PLA2G4B: variants seen among roughly 807,000 people sequenced by gnomAD.
PLA2G4B encodes the protein phospholipase A2 group IVB, also known as cytosolic phospholipase A2 beta.
In PLA2G4B, 122 loss-of-function variants were observed where a neutral mutation model predicts 95.8. The ratio of observed to expected loss-of-function variants is 1.27; its 90% CI spans 1.10 to 1.48. The LOEUF (loss-of-function observed/expected upper bound fraction) is 1.48. PLA2G4B is among the 40% of genes most tolerant of loss of function. The pLI, the probability that PLA2G4B is intolerant of heterozygous loss-of-function variation, is 0.00. For missense variants in PLA2G4B, 1,158 were observed against 996.2 expected, an observed-to-expected ratio of 1.16 and a Z score of -2.19; for synonymous variants, 518 against 421.5, an observed-to-expected ratio of 1.23 and a Z score of -2.80.
chr15:41,839,824 G>A (rs969875709), intron 1 of PLA2G4B: 2 of 285,102 alleles, frequency 7.0e-6, no homozygotes, highest in Non-Finnish European at 1.3e-5. Flanking sequence ...CCCCAATTGT[G>A]GACCTCAGGC....
In PLA2G4B at chr15:41,844,451, C is replaced by T. The variant is rs888072505; in HGVS notation, c.880-20C>T. 3.1e-6 allele frequency: 5 copies of T among 1,614,024 alleles called. No homozygotes were observed. In the East Asian group the frequency reaches 1.1e-4, roughly 36 times the overall value. On this transcript the variant is annotated intron_variant, in intron 11 of 19. Coordinates refer to ENST00000458483, the MANE Select transcript of PLA2G4B (RefSeq NM_001114633.2). ...CCCCATCCCTAGGGCCTCTACAGGC[C>T]TGGCTCTCTTCTTTTCCAGATCCCA...
intron 7 of PLA2G4B, 33 bp from the exon 8 acceptor site, chr15:41,841,786 C>G: frequency 6.2e-7 from 1 of 1,608,656 alleles, no homozygotes; most frequent in Non-Finnish European, 8.5e-7. Context: ...GAGATACCGT[C>G]CCCAGCCTCT....
In PLA2G4B at chr15:41,844,971, G is replaced by GCGGTAC; in HGVS notation, c.1144_1149dup (p.Tyr382_Arg383dup). On this transcript the variant is annotated inframe_insertion, in exon 13 of 20. Coordinates refer to ENST00000458483, the MANE Select transcript of PLA2G4B (RefSeq NM_001114633.2). ...GTGTGCTGGCCCCCAGCCAGCTGCAGCGGTACCGGCAGGAGCTGGCCGAGC... is the reference window on the plus strand; with the variant it reads ...GTGTGCTGGCCCCCAGCCAGCTGCAGCGGTACCGGTACCGGCAGGAGCTGGCCGAGC... 6.2e-7 allele frequency: 1 copy of GCGGTAC among 1,611,380 alleles called. No homozygotes were observed. Among genetic ancestry groups the GCGGTAC allele is most frequent in the South Asian group, 1.1e-5 (1 of 90,542 alleles).
In PLA2G4B at chr15:41,841,584, C is replaced by A; in HGVS notation, c.490+13C>A. 1 of 1,613,998 alleles carries A rather than the reference C, an allele frequency of 6.2e-7. No individual in the cohort carries two copies. The highest frequency in any genetic ancestry group is 8.5e-7 in the Non-Finnish European group (1 of 1,179,968). On this transcript the variant is annotated intron_variant, in intron 7 of 19. Transcript: ENST00000458483. The stretch of plus-strand genomic sequence containing the variant: ...GGAGACCAGAAGTGTGAGTCCCCAA[C>A]CCACTGGGACAGCCCCTGGCTCTCA...
chr15:41,841,983 C>T (rs766925259), intron 8 of PLA2G4B, 34 bp downstream of exon 8: 2 of 1,596,636 alleles, frequency 1.3e-6, no homozygotes, highest in South Asian at 2.2e-5. Flanking sequence ...GTGGGGCCCC[C>T]AGAACTTCCT....
At chr15:41,842,644 G>A (rs560889380) in intron 10 of PLA2G4B, 53 bp downstream of exon 10, 29 of 1,594,322 alleles carry the variant, frequency 1.8e-5, no homozygotes, top group South Asian at 1.0e-4. Context: ...ACCAGGGTGC[G>A]GGGCTGGAGG....
chr15:41,844,403 T>C, intron 11 of PLA2G4B, 68 bp from the exon 12 acceptor site: 2 of 1,609,920 alleles, frequency 1.2e-6, no homozygotes, highest in Non-Finnish European at 1.7e-6. Context: ...ACCTGCTACC[T>C]CTTCTTCCTG....
chr15:41,846,146 C>G, intron 16 of PLA2G4B, 57 bp from the exon 17 acceptor site: 1 of 1,594,090 alleles, frequency 6.3e-7, no homozygotes, highest in South Asian at 1.1e-5. Flanking sequence ...CCAGGGTCAC[C>G]ACCAAGGTGG....
intron 14 of PLA2G4B, 120 bp downstream of exon 14, chr15:41,845,440 C>T (rs1259486050): frequency 6.8e-7 from 1 of 1,465,284 alleles, no homozygotes; most frequent in East Asian, 2.3e-5. Flanking sequence ...CCCGTGCTTT[C>T]TGGAGACCGG....
intron 18 of PLA2G4B, 39 bp from the exon 19 acceptor site, chr15:41,847,298 G>A: frequency 1.3e-6 from 2 of 1,557,244 alleles, no homozygotes; most frequent in Non-Finnish European, 1.7e-6. Flanking sequence ...GGATGCCAGG[G>A]GCCCTGTCCC....
Position 41,848,074 on chromosome 15 carries a change from C to G in PLA2G4B, c.*214C>G. 1.6e-6 allele frequency: 1 copy of G among 641,428 alleles called. No individual in the cohort carries two copies. Among genetic ancestry groups the G allele is most frequent in the Non-Finnish European group, 2.7e-6 (1 of 376,042 alleles). 39.7% of individuals were successfully genotyped at this position (641,428 alleles called of 1,614,324 possible). A position where few individuals can be genotyped will look rare whatever the true frequency, so the allele number is the denominator to read the frequency against. ...GTGTAATCACCCAAAACCCCCCGGC[C>G]TGTGCCTGTTTTCCCTTCTGCGCTA... On this transcript the variant is annotated 3_prime_UTR_variant, in exon 20 of 20. Transcript: ENST00000458483.
In PLA2G4B at chr15:41,840,579, G is replaced by A. The variant is rs375873186; in HGVS notation, c.138G>A (p.Arg46=). The A allele has an allele frequency of 6.7e-5, 108 of 1,613,946 alleles. No homozygotes were observed. In the East Asian group the frequency reaches 2.1e-3, roughly 32 times the overall value. Residue 46 remains arginine, a synonymous_variant, in exon 3 of 20, where the codon AGG becomes AGA. Transcript: ENST00000458483. ...TLWLPTACSH[R]LQTRTVKNSS... ...GGCTGCCCACGGCCTGCAGCCACAG[G>A]CTCCAGACACGCACGGTCAAGAACA...
At chr15:41,846,863 G>T in intron 18 of PLA2G4B, 28 bp downstream of exon 18, 1 of 1,587,756 alleles carries the variant, frequency 6.3e-7, no homozygotes, top group Non-Finnish European at 8.6e-7. Context: ...GCCCACCAGG[G>T]AGGCGGTGGG....
At position 41,840,121 on chromosome 15, in the gene PLA2G4B, C is replaced by T. The variant is rs568407095; in HGVS notation, c.10-37C>T. Reference sequence around the variant, plus strand: ...TGGCCCCTGTCACCCTTGGCTTCATCGGCCCGTAGCAGGTCTCCCCTCTCC... The same window carrying T: ...TGGCCCCTGTCACCCTTGGCTTCATTGGCCCGTAGCAGGTCTCCCCTCTCC... On this transcript the variant is annotated intron_variant, in intron 1 of 19. Coordinates refer to ENST00000458483, the MANE Select transcript of PLA2G4B (RefSeq NM_001114633.2). 1.6e-5 allele frequency: 25 copies of T among 1,604,578 alleles called. 1 individual carries two copies. The South Asian group carries it at 2.2e-4, about 14-fold the overall frequency.
chr15:41,843,498 C>T (rs1170275524), intron 10 of PLA2G4B, among the ~76,000 whole-genome samples, 178 bp from the exon 11 acceptor site: 1 of 152,248 alleles, frequency 6.6e-6, no homozygotes, highest in East Asian at 1.9e-4. Context: ...CATTCCCAAG[C>T]ATGTCCACAT....
At position 41,841,818 on chromosome 15, in the gene PLA2G4B, G is replaced by C; in HGVS notation, c.491-1G>C. On this transcript the variant is annotated splice_acceptor_variant, in intron 7 of 19. Transcript: ENST00000458483. LOFTEE classifies it high-confidence loss of function. ...CTCTCTGCTCTGGTTCCTGTTTCCA[G>C]CCTCAGAGCACAGAGTTCAGCTTGT... The C allele has an allele frequency of 1.2e-6, 2 of 1,613,274 alleles. No individual in the cohort carries two copies. The highest frequency in any genetic ancestry group is 1.7e-6 in the Non-Finnish European group (2 of 1,179,706).
Position 41,844,927 on chromosome 15 carries a change from G to C in PLA2G4B, c.1096G>C (p.Val366Leu), listed in dbSNP as rs1274159054. 1 of 1,612,684 alleles carries C rather than the reference G, an allele frequency of 6.2e-7. No homozygotes were observed. The highest frequency in any genetic ancestry group is 1.3e-5 in the African/African-American group (1 of 75,032). Residue 366 changes from valine to leucine, a missense_variant, in exon 13 of 20, where the codon GTG becomes CTG. Physicochemically the swap from Val to Leu is conservative, Grantham distance 32. Transcript: ENST00000458483. ...AGPTELLKTQ[V>L]TKNKLGVLAP... ...GCCCACTGAGTTGCTGAAGACCCAG[G>C]TGACCAAGAACAAGCTGGGTGTGCT...
Position 41,843,767 on chromosome 15 carries a change from T to G in PLA2G4B, c.835T>G (p.Leu279Val). The G allele has an allele frequency of 6.2e-7, 1 of 1,613,854 alleles. No homozygotes were observed. The highest frequency in any genetic ancestry group is 8.5e-7 in the Non-Finnish European group (1 of 1,179,804). Residue 279 changes from leucine to valine, a missense_variant, in exon 11 of 20, where the codon TTG becomes GTG. By Grantham distance (32) the Leu-to-Val change is conservative. Coordinates refer to ENST00000458483, the MANE Select transcript of PLA2G4B (RefSeq NM_001114633.2). The part of the protein sequence containing the change: ...SRRKQVVAAA[L>V]RQALQLDGDL... ...GAGGAAGCAGGTGGTGGCCGCGGCC[T>G]TGAGGCAGGCCCTGCAGCTGGACGG...
rs149781451 is a variant in PLA2G4B at position 41,840,186 on chromosome 15, C to T, written c.38C>T (p.Thr13Met). 79 of 1,613,292 alleles carry T rather than the reference C, an allele frequency of 4.9e-5. No individual in the cohort carries two copies. The highest frequency in any genetic ancestry group is 4.0e-4 in the African/African-American group (30 of 75,028). The change falls in exon 2 of 20, where the codon ACG (threonine) becomes ATG (methionine). Residue 13 changes from threonine to methionine, a missense_variant. Thr to Met is a moderately conservative substitution (Grantham distance 81, BLOSUM62 -1). Coordinates refer to ENST00000458483, the MANE Select transcript of PLA2G4B (RefSeq NM_001114633.2). The part of the protein sequence containing the change: ...VAEVSRTCLL[T>M]VRVLQAHRLP... ...GAGGTGTCCAGGACCTGCCTGCTCA[C>T]GGTTCGTGTCCTGCAGGCCCATCGC...
Sources: gnomAD v4.1 joint callset for allele counts (sites outside exome capture counted in the v4.1 genomes callset) on GRCh38, gnomAD v4.1.1 for gene constraint, MANE v1.5 for transcripts, NCBI Gene and HGNC (gene_info 2026-07-23, HGNC 2026-07-21) for gene names.